ATP2B2: variants seen among roughly 807,000 people sequenced by gnomAD.
ATP2B2 encodes ATPase plasma membrane Ca2+ transporting 2.
A neutral mutation model predicts 120.0 loss-of-function variants in ATP2B2; 15 were observed. That is an observed-to-expected ratio of 0.12 (90% confidence interval 0.08 to 0.19). ATP2B2 has a LOEUF of 0.19. ATP2B2 is among the 10% of genes least tolerant of loss of function. ATP2B2 has a pLI of 1.00. For missense variants in ATP2B2, 1,045 were observed against 1,719.8 expected (o/e 0.61, Z 6.94); for synonymous variants, 694 against 700.3 (o/e 0.99, Z 0.14).
At chr3:10,470,461 A>G (rs577813716) in intron 1 of ATP2B2, among the ~76,000 whole-genome samples, 1 of 152,212 alleles carries the variant, frequency 6.6e-6, no homozygotes, top group East Asian at 1.9e-4. Context: ...CCCAGGGACT[A>G]ATGAGTTAAG....
chr3:10,359,374 G>C (rs536727697), intron 13 of ATP2B2, among the ~76,000 whole-genome samples: 7 of 152,100 alleles, frequency 4.6e-5, no homozygotes, highest in Non-Finnish European at 8.8e-5. Context: ...TGTGTACCCA[G>C]GGCTGAGAAC....
At chr3:10,485,951 A>C (rs2065632997) in intron 1 of ATP2B2, among the ~76,000 whole-genome samples, 1 of 152,206 alleles carries the variant, frequency 6.6e-6, no homozygotes, top group African/African-American at 2.4e-5. Flanking sequence ...GGGCCAGGGC[A>C]TCATGAAACT....
chr3:10,597,019 ACAGGCACACACC>A (rs2068782573), intron 2 of ATP2B2, among the ~76,000 whole-genome samples: 1 of 149,824 alleles, frequency 6.7e-6, no homozygotes, highest in South Asian at 2.3e-4. Flanking sequence ...ACACACGCAC[ACAGGCACACACC>A]CAGACACACA....
intron 2 of ATP2B2, among the ~76,000 whole-genome samples, chr3:10,579,810 G>GAAAACAAAACAAAACAAAACAAAAC (rs59097062): frequency 0.026 from 3,782 of 146,268 alleles, 64 homozygotes; most frequent in African/African-American, 0.033. Flanking sequence ...ACTCCGTCTT[G>GAAAACAAAACAAAACAAAACAAAAC]AAAACAAAAC....
intron 2 of ATP2B2, among the ~76,000 whole-genome samples, chr3:10,585,520 T>TAA (rs1575526074): frequency 1.3e-5 from 1 of 76,112 alleles, no homozygotes; most frequent in Non-Finnish European, 2.5e-5. Flanking sequence ...AAAAAAAAGA[T>TAA]CCAGTGAGAG....
At chr3:10,543,846 C>A (rs2067487916) in intron 2 of ATP2B2, among the ~76,000 whole-genome samples, 2 of 151,668 alleles carry the variant, frequency 1.3e-5, no homozygotes, top group Admixed American at 1.3e-4. Flanking sequence ...TCGAGAAATT[C>A]TCCTGCCTCA....
chr3:10,373,438 G>A (rs568571168), intron 11 of ATP2B2, among the ~76,000 whole-genome samples: 2 of 152,178 alleles, frequency 1.3e-5, no homozygotes, highest in South Asian at 2.1e-4. Context: ...TATCCAATAC[G>A]GTAGTCACAT....
intron 1 of ATP2B2, among the ~76,000 whole-genome samples, chr3:10,676,456 T>C (rs2071246069): frequency 6.6e-6 from 1 of 152,026 alleles, no homozygotes; most frequent in Non-Finnish European, 1.5e-5. Flanking sequence ...TCCTGGCTCA[T>C]CTGTTGGGCA....
chr3:10,348,443 C>T lies in ATP2B2; in HGVS notation c.2404+1669G>A, dbSNP rs115073134. Among the ~76,000 whole-genome samples the T allele has an allele frequency of 8.0e-3, 1,215 of 152,334 alleles. 14 individuals carry two copies. Among genetic ancestry groups the T allele is most frequent in the African/African-American group, 0.028 (1,163 of 41,574 alleles). The stretch of plus-strand genomic sequence containing the variant: ...CCTCCCATGTTCCTGTGCCTGGTGA[C>T]ACGGTGCAGGCCATGACGGGGTGCT... On this transcript the variant is annotated intron_variant, in intron 16 of 22. Transcript: ENST00000360273.
chr3:10,525,475 A>C (rs576737509), intron 3 of ATP2B2, among the ~76,000 whole-genome samples: 9 of 152,340 alleles, frequency 5.9e-5, no homozygotes, highest in African/African-American at 2.2e-4. Context: ...TTCTATTAGA[A>C]TGATACCTTT....
intron 1 of ATP2B2, among the ~76,000 whole-genome samples, chr3:10,495,216 T>C (rs1007027786): frequency 5.3e-5 from 8 of 152,184 alleles, no homozygotes; most frequent in Non-Finnish European, 1.0e-4. Context: ...ATTCCCAGTT[T>C]GACGTCTGGC....
intron 2 of ATP2B2, among the ~76,000 whole-genome samples, chr3:10,605,163 A>G (rs2069028795): frequency 6.6e-6 from 1 of 152,160 alleles, no homozygotes; most frequent in African/African-American, 2.4e-5. Context: ...CACACTAACT[A>G]CTTCACAAAA....
chr3:10,577,930 C>T (rs2068292078), intron 2 of ATP2B2, among the ~76,000 whole-genome samples: 1 of 152,212 alleles, frequency 6.6e-6, no homozygotes, highest in African/African-American at 2.4e-5. Flanking sequence ...ATAACTATTG[C>T]TTATATTCTG....
At chr3:10,381,128 C>A (rs1419634519) in intron 8 of ATP2B2, among the ~76,000 whole-genome samples, 3 of 152,190 alleles carry the variant, frequency 2.0e-5, no homozygotes, top group Non-Finnish European at 4.4e-5. Flanking sequence ...TTCCCCGAAC[C>A]TCGCCCAGCA....
intron 2 of ATP2B2, among the ~76,000 whole-genome samples, chr3:10,423,656 C>A (rs970741773): frequency 4.6e-5 from 7 of 152,178 alleles, no homozygotes; most frequent in Non-Finnish European, 8.8e-5. Flanking sequence ...TGGTTGAGCG[C>A]AGACAAGAAG....
chr3:10,396,237 G>A (rs73814212), intron 5 of ATP2B2, among the ~76,000 whole-genome samples: 1 of 152,238 alleles, frequency 6.6e-6, no homozygotes, highest in African/African-American at 2.4e-5. Flanking sequence ...GTTTGCAAAG[G>A]ACAGTCACAC....
chr3:10,683,900 A>C (rs1214655607), intron 1 of ATP2B2, among the ~76,000 whole-genome samples: 1 of 150,330 alleles, frequency 6.7e-6, no homozygotes, highest in East Asian at 2.0e-4. Flanking sequence ...GGCCTCAAGC[A>C]ACCTTCCTGC....
chr3:10,449,469 C>A lies in ATP2B2; in HGVS notation c.75G>T (p.Gly25=), dbSNP rs2063956737. 6.2e-7 allele frequency: 1 copy of A among 1,614,130 alleles called. No individual in the cohort carries two copies. The highest frequency in any genetic ancestry group is 1.7e-5 in the Admixed American group (1 of 60,012). The change falls in exon 2 of 23, where the codon GGG becomes GGT. Residue 25 remains glycine, a synonymous_variant. Coordinates refer to ENST00000360273, the MANE Select transcript of ATP2B2 (RefSeq NM_001001331.4). ...RNESSHGGEF[G]CTMEELRSLM... ...GGGAGCGGAGCTCCTCCATTGTGCA[C>A]CCGAACTCGCCCCCATGGCTCGACT...
chr3:10,521,446 T>C (rs75437024), intron 3 of ATP2B2, among the ~76,000 whole-genome samples: 3,300 of 152,350 alleles, frequency 0.022, 44 homozygotes, highest in Admixed American at 0.037. Flanking sequence ...CCATAGCCAG[T>C]GGATAATGTC....
Sources: allele counts gnomAD v4.1 joint callset (sites outside exome capture counted in the v4.1 genomes callset), GRCh38; gene constraint gnomAD v4.1.1; transcripts MANE v1.5; gene names NCBI Gene and HGNC (gene_info 2026-07-23, HGNC 2026-07-21).